NME7: variants seen among roughly 807,000 people sequenced by gnomAD.
NME7 encodes the protein NME/NM23 family member 7, also known as nucleoside diphosphate kinase 7.
NME7 carries 41 observed loss-of-function variants against 49.1 expected under a neutral mutation model. The observed-to-expected ratio is 0.83, with a 90% CI of 0.65 to 1.08. The LOEUF is 1.08. Among genes scored for constraint, NME7 ranks in the 50% least tolerant of loss-of-function variants. The pLI is 0.00. For missense variants in NME7, 423 were observed against 463.4 expected (o/e 0.91, Z 0.80); for synonymous variants, 139 against 150.6 (o/e 0.92, Z 0.56).
At chr1:169,168,918 A>T (rs1158063312) in intron 11 of NME7, 1 of 456,026 alleles carries the variant, frequency 2.2e-6, no homozygotes, top group Non-Finnish European at 4.4e-6. Flanking sequence ...TGAACAAATG[A>T]ATATATAAGT....
intron 6 of NME7, among the ~76,000 whole-genome samples, chr1:169,288,816 G>C (rs1026074755): frequency 2.0e-5 from 3 of 152,052 alleles, no homozygotes; most frequent in Admixed American, 1.3e-4. Context: ...CAGATGCTTT[G>C]ATTGCATGGT....
At chr1:169,364,766 G>T (rs1042415259) in intron 1 of NME7, among the ~76,000 whole-genome samples, 5 of 152,156 alleles carry the variant, frequency 3.3e-5, no homozygotes, top group Non-Finnish European at 7.3e-5. Context: ...TTTGAAGCAA[G>T]GATGGTAATA....
chr1:169,261,337 A>G (rs1261999567), intron 7 of NME7, among the ~76,000 whole-genome samples: 3 of 133,762 alleles, frequency 2.2e-5, no homozygotes, highest in African/African-American at 5.1e-5. Flanking sequence ...TTTCATTCCA[A>G]TCTCACTAGA....
At chr1:169,198,447 G>A (rs1660450205) in intron 10 of NME7, among the ~76,000 whole-genome samples, 1 of 152,040 alleles carries the variant, frequency 6.6e-6, no homozygotes, top group African/African-American at 2.4e-5. Flanking sequence ...CCAAAAGATA[G>A]AAACAACCCA....
chr1:169,298,477 A>G (rs1335656173), intron 6 of NME7, 79 bp downstream of exon 6: 6 of 1,402,692 alleles, frequency 4.3e-6, no homozygotes, highest in Admixed American at 3.9e-5. Context: ...CTAAGTCACC[A>G]GTGATAGAAA....
At chr1:169,256,910 A>C (rs1285676610) in intron 7 of NME7, among the ~76,000 whole-genome samples, 1 of 130,774 alleles carries the variant, frequency 7.6e-6, no homozygotes, top group Admixed American at 7.5e-5. Context: ...TTGAGGAGGC[A>C]GTCTGCCCAT....
intron 7 of NME7, among the ~76,000 whole-genome samples, chr1:169,276,931 T>C (rs1471723635): frequency 1.3e-5 from 2 of 149,794 alleles, no homozygotes; most frequent in African/African-American, 4.9e-5. Flanking sequence ...ATTTCTGCCT[T>C]CATTTCGTTA....
intron 10 of NME7, among the ~76,000 whole-genome samples, chr1:169,189,321 T>G (rs1015654376): frequency 6.6e-6 from 1 of 152,182 alleles, no homozygotes; most frequent in East Asian, 1.9e-4. Context: ...AAACAATGAA[T>G]GTTTAATAAT....
intron 6 of NME7, among the ~76,000 whole-genome samples, chr1:169,288,010 C>A (rs1047118190): frequency 6.6e-6 from 1 of 152,114 alleles, no homozygotes; most frequent in Non-Finnish European, 1.5e-5. Flanking sequence ...CTAATCAGTT[C>A]TTTTAATTAT....
At chr1:169,177,846 G>GT (rs1218905733) in intron 10 of NME7, among the ~76,000 whole-genome samples, 7 of 146,908 alleles carry the variant, frequency 4.8e-5, no homozygotes, top group Non-Finnish European at 6.0e-5. Flanking sequence ...TTTGTTTTTT[G>GT]TTTTTTTTGA....
At chr1:169,161,991 G>A (rs1459390375) in intron 11 of NME7, among the ~76,000 whole-genome samples, 2 of 152,142 alleles carry the variant, frequency 1.3e-5, no homozygotes, top group Middle Eastern at 3.4e-3. Flanking sequence ...TCCGGCAACC[G>A]ATGGACCTCA....
intron 6 of NME7, among the ~76,000 whole-genome samples, chr1:169,298,184 C>G (rs2211017): frequency 0.63 from 96,295 of 151,996 alleles, 30,807 homozygotes; most frequent in East Asian, 0.92. Context: ...CACAGTGTTA[C>G]GTCTGAATCA....
intron 8 of NME7, among the ~76,000 whole-genome samples, chr1:169,236,432 C>T (rs1647860650): frequency 6.6e-6 from 1 of 152,108 alleles, no homozygotes; most frequent in Non-Finnish European, 1.5e-5. Context: ...CCTATAGGCT[C>T]AATTAATCAT....
intron 7 of NME7, among the ~76,000 whole-genome samples, chr1:169,263,249 T>C (rs1174886490): frequency 7.5e-6 from 1 of 133,904 alleles, no homozygotes; most frequent in East Asian, 2.0e-4. Context: ...GGTTATTAAC[T>C]GGGTTGAGAT....
chr1:169,299,632 T>TA (rs1379901336), intron 5 of NME7, among the ~76,000 whole-genome samples: 1 of 152,078 alleles, frequency 6.6e-6, no homozygotes, highest in Non-Finnish European at 1.5e-5. Flanking sequence ...TTGTGCCCAC[T>TA]AACTTATGAC....
chr1:169,132,672 C>A lies in NME7; in HGVS notation c.*113G>T. The A allele has an allele frequency of 6.2e-6, 6 of 969,814 alleles. No homozygotes were observed. The highest frequency in any genetic ancestry group is 9.5e-6 in the Non-Finnish European group (6 of 634,494). The allele number at this position is 969,814 out of a possible 1,614,324, so 60.1% of individuals were successfully genotyped here. Reference sequence around the variant, plus strand: ...CCAGGAGTACAGTGCTCTTGTTGATCTTGTATTCAGTCAGGTTAAAACAAC... The same window carrying A: ...CCAGGAGTACAGTGCTCTTGTTGATATTGTATTCAGTCAGGTTAAAACAAC... On this transcript the variant is annotated 3_prime_UTR_variant, in exon 12 of 12. Coordinates refer to ENST00000367811, the MANE Select transcript of NME7 (RefSeq NM_013330.5).
intron 7 of NME7, among the ~76,000 whole-genome samples, chr1:169,246,431 A>G (rs565673593): frequency 1.1e-4 from 16 of 152,370 alleles, no homozygotes; most frequent in Non-Finnish European, 2.1e-4. Flanking sequence ...CATAAAACCC[A>G]CATTAGTAGA....
chr1:169,168,772 T>G (rs567709884), intron 11 of NME7: 50 of 428,504 alleles, frequency 1.2e-4, no homozygotes, highest in Non-Finnish European at 2.0e-4. Flanking sequence ...AACACATAAA[T>G]AGACTAGTAT....
At chr1:169,251,112 T>A (rs899428539) in intron 7 of NME7, among the ~76,000 whole-genome samples, 2 of 152,134 alleles carry the variant, frequency 1.3e-5, no homozygotes, top group Admixed American at 1.3e-4. Flanking sequence ...GTCTATCTCA[T>A]GTCTTAGGTC....
Sources: gnomAD v4.1 joint callset for allele counts (sites outside exome capture counted in the v4.1 genomes callset) on GRCh38, gnomAD v4.1.1 for gene constraint, MANE v1.5 for transcripts, NCBI Gene and HGNC (gene_info 2026-07-23, HGNC 2026-07-21) for gene names.